Variants in HIPK3 observed in about 807,000 individuals in gnomAD.
HIPK3 encodes the protein homeodomain-interacting protein kinase 3.
In HIPK3, 47 loss-of-function variants were observed where a neutral mutation model predicts 124.2. The observed-to-expected ratio is 0.38, with a 90% CI of 0.30 to 0.48. The LOEUF (loss-of-function observed/expected upper bound fraction) is 0.48, where lower values mean the gene tolerates loss of function less well. Among genes scored for constraint, HIPK3 ranks in the 20% least tolerant of loss-of-function variants. The pLI is 0.98. For synonymous variants in HIPK3, 482 were observed against 515.2 expected, an observed-to-expected ratio of 0.94 and a Z score of 0.87; for missense variants, 1,286 against 1,454.3, an observed-to-expected ratio of 0.88 and a Z score of 1.88.
chr11:33,302,339 C>CTTTT (rs374964013), intron 2 of HIPK3, among the ~76,000 whole-genome samples: 17 of 121,178 alleles, frequency 1.4e-4, no homozygotes, highest in South Asian at 2.6e-4. Flanking sequence ...TAATTCCTTA[C>CTTTT]TTCTTTTTTT....
chr11:33,269,088 A>G (rs947630378), intron 1 of HIPK3, among the ~76,000 whole-genome samples: 5 of 152,144 alleles, frequency 3.3e-5, no homozygotes, highest in Non-Finnish European at 7.3e-5. Context: ...ATACAGACAT[A>G]TGATACTCAA....
Position 33,268,964 on chromosome 11 carries a change from C to G in HIPK3, c.-3+11075C>G, listed in dbSNP as rs548961720. ...ATACTTTCATTTAAAAATATGAAAT[C>G]GTATCTGAACTGTTCCTTAAGTTTA... On this transcript the variant is annotated intron_variant, in intron 1 of 16. Coordinates refer to ENST00000303296, the MANE Select transcript of HIPK3 (RefSeq NM_005734.5). Among the ~76,000 whole-genome samples the G allele has an allele frequency of 8.5e-4, 129 of 152,246 alleles. 2 individuals are homozygous for G. In the South Asian group the frequency reaches 0.026, roughly 31 times the overall value.
chr11:33,341,708 G>A, intron 8 of HIPK3, 22 bp downstream of exon 8: 2 of 1,583,564 alleles, frequency 1.3e-6, no homozygotes, highest in Non-Finnish European at 1.7e-6. Context: ...TTTAAATTTT[G>A]CTTTGAATCT....
chr11:33,348,814 A>G lies in HIPK3; in HGVS notation c.2662A>G (p.Arg888Gly), dbSNP rs767777066. 3 of 1,612,008 alleles carry G rather than the reference A, an allele frequency of 1.9e-6. No individual in the cohort carries two copies. The highest frequency in any genetic ancestry group is 1.7e-5 in the Admixed American group (1 of 59,958). The part of the protein sequence containing the change: ...EEETSQRHSL[R>G]ECKGSLDCEA... Reference sequence around the variant, plus strand: ...AGAGACTTCCCAGAGACATTCACTCAGAGAGTAAGTGCCAAACGCTGCATC... The same window carrying G: ...AGAGACTTCCCAGAGACATTCACTCGGAGAGTAAGTGCCAAACGCTGCATC... Residue 888 changes from arginine (R) to glycine (G), a missense_variant, in exon 13 of 17, where the codon AGA becomes GGA. Arg to Gly is a moderately radical substitution (Grantham distance 125). Coordinates refer to ENST00000303296, the MANE Select transcript of HIPK3 (RefSeq NM_005734.5).
chr11:33,270,967 G>C (rs1325060494), intron 1 of HIPK3, among the ~76,000 whole-genome samples: 9 of 152,136 alleles, frequency 5.9e-5, no homozygotes, highest in Non-Finnish European at 1.3e-4. Flanking sequence ...ACTTCAAAAT[G>C]ATTGCTATAC....
intron 3 of HIPK3, among the ~76,000 whole-genome samples, chr11:33,336,487 C>G (rs1163573342): frequency 6.6e-6 from 1 of 152,164 alleles, no homozygotes; most frequent in Non-Finnish European, 1.5e-5. Context: ...TTCAGACCCT[C>G]TTCATCTCTT....
At chr11:33,291,365 A>G (rs759694488) in intron 2 of HIPK3, among the ~76,000 whole-genome samples, 3 of 152,242 alleles carry the variant, frequency 2.0e-5, no homozygotes, top group Non-Finnish European at 2.9e-5. Flanking sequence ...AAAGCACAGT[A>G]GGAATGCACA....
chr11:33,272,122 G>A (rs1851140749), intron 1 of HIPK3, among the ~76,000 whole-genome samples: 1 of 152,216 alleles, frequency 6.6e-6, no homozygotes, highest in African/African-American at 2.4e-5. Context: ...TCGTGGCCGG[G>A]TGCAGTGGCT....
chr11:33,351,778 C>T lies in HIPK3; in HGVS notation c.2978C>T (p.Ser993Phe). ...ACAGAAACCAAGCCAGCTGTCTGTT[C>T]TGTTGTGGTGCCACCAGTGGAACTA... ...ADTETKPAVC[S>F]VVVPPVELEN... Residue 993 changes from serine (S) to phenylalanine (F), a missense_variant, in exon 15 of 17, where the codon TCT (serine) becomes TTT (phenylalanine). Physicochemically the swap from Ser to Phe is radical, Grantham distance 155 (BLOSUM62 -2). Coordinates refer to ENST00000303296, the MANE Select transcript of HIPK3 (RefSeq NM_005734.5). 6.2e-7 allele frequency: 1 copy of T among 1,614,212 alleles called. No individual in the cohort carries two copies. The highest frequency in any genetic ancestry group is 2.2e-5 in the East Asian group (1 of 44,882).
At chr11:33,303,592 A>G (rs1230869369) in intron 2 of HIPK3, among the ~76,000 whole-genome samples, 2 of 152,214 alleles carry the variant, frequency 1.3e-5, no homozygotes, top group African/African-American at 4.8e-5. Context: ...ATAGAATGTA[A>G]TGGTATCATG....
At position 33,352,063 on chromosome 11, in the gene HIPK3, A is replaced by G. The variant is rs561908139; in HGVS notation, c.3044-75A>G. 1.8e-5 allele frequency: 25 copies of G among 1,420,740 alleles called. No individual in the cohort carries two copies. The African/African-American group carries it at 3.6e-4, about 20-fold the overall frequency. The allele number at this position is 1,420,740 out of a possible 1,614,324, so 88.0% of individuals were successfully genotyped here. On this transcript the variant is annotated intron_variant, in intron 15 of 16. Coordinates refer to ENST00000303296, the MANE Select transcript of HIPK3 (RefSeq NM_005734.5). Reference sequence around the variant, plus strand: ...GGCTCTCAAATCACTATTGTGTAAAATATCTAAAGACTTTGCTAATTTTTT... The same window carrying G: ...GGCTCTCAAATCACTATTGTGTAAAGTATCTAAAGACTTTGCTAATTTTTT...
chr11:33,298,372 C>G (rs1379286125), intron 2 of HIPK3, among the ~76,000 whole-genome samples: 1 of 152,196 alleles, frequency 6.6e-6, no homozygotes, highest in Non-Finnish European at 1.5e-5. Flanking sequence ...CCTGGTTACC[C>G]AAGAGCTCTG....
At chr11:33,307,556 G>A (rs1306923555) in intron 2 of HIPK3, among the ~76,000 whole-genome samples, 2 of 151,340 alleles carry the variant, frequency 1.3e-5, no homozygotes, top group South Asian at 2.1e-4. Flanking sequence ...CTGCCACCAC[G>A]CCTGGCTAAT....
Position 33,341,102 on chromosome 11 carries a change from C to A in HIPK3, c.1748C>A (p.Thr583Asn). The change falls in exon 7 of 17, where the codon ACT becomes AAT. Residue 583 changes from threonine (T) to asparagine (N), a missense_variant. Coordinates refer to ENST00000303296, the MANE Select transcript of HIPK3 (RefSeq NM_005734.5). ...SSTATLTANF[T>N]KIGTLRSQAL... ...ACTGCTACACTGACTGCAAATTTTA[C>A]TAAAATCGGAACATTAAGAAGTCAG... 6.3e-7 allele frequency: 1 copy of A among 1,593,938 alleles called. No individual in the cohort carries two copies. Among genetic ancestry groups the A allele is most frequent in the Non-Finnish European group, 8.5e-7 (1 of 1,172,948 alleles).
rs775536981 is a variant in HIPK3, at chr11:33,287,200, T to C, written c.786T>C (p.Tyr262=). The change falls in exon 2 of 17, where the codon TAT becomes TAC. Residue 262 remains tyrosine, a synonymous_variant. Coordinates refer to ENST00000303296, the MANE Select transcript of HIPK3 (RefSeq NM_005734.5). The part of the protein sequence containing the change: ...NADEYNFVRA[Y]ECFQHRNHTC... Reference sequence around the variant, plus strand: ...ATGAATATAACTTTGTACGAGCTTATGAATGCTTTCAGCACCGTAACCATA... The same window carrying C: ...ATGAATATAACTTTGTACGAGCTTACGAATGCTTTCAGCACCGTAACCATA... The C allele has an allele frequency of 3.1e-6, 5 of 1,614,206 alleles. No homozygotes were observed. The Admixed American group carries it at 5.0e-5, about 16-fold the overall frequency.
chr11:33,268,083 C>T (rs1234693414), intron 1 of HIPK3, among the ~76,000 whole-genome samples: 4 of 151,776 alleles, frequency 2.6e-5, no homozygotes, highest in African/African-American at 4.8e-5. Context: ...TGGTGGTGGG[C>T]GCCTGTAATC....
At chr11:33,306,180 T>C (rs1216101259) in intron 2 of HIPK3, among the ~76,000 whole-genome samples, 1 of 152,238 alleles carries the variant, frequency 6.6e-6, no homozygotes, top group East Asian at 1.9e-4. Context: ...CTCTTTTACT[T>C]AATTTTTACG....
intron 7 of HIPK3, among the ~76,000 whole-genome samples, 193 bp downstream of exon 7, chr11:33,341,320 G>T (rs11032230): frequency 0.67 from 101,201 of 151,946 alleles, 33,963 homozygotes; most frequent in Non-Finnish European, 0.72. Flanking sequence ...TTCACTTTTT[G>T]CCATTCCTCT....
intron 1 of HIPK3, among the ~76,000 whole-genome samples, chr11:33,259,914 TA>T (rs1392087407): frequency 6.6e-6 from 1 of 151,696 alleles, no homozygotes; most frequent in Non-Finnish European, 1.5e-5. Context: ...AACTGGCCAT[TA>T]AATGTTTCAA....
Sources: allele counts gnomAD v4.1 joint callset (sites outside exome capture counted in the v4.1 genomes callset), GRCh38; gene constraint gnomAD v4.1.1; transcripts MANE v1.5; gene names NCBI Gene and HGNC (gene_info 2026-07-23, HGNC 2026-07-21).